Variants in SHTN1 observed in about 807,000 individuals in gnomAD.
SHTN1 encodes the protein shootin 1.
Under a neutral mutation model 83.1 loss-of-function variants are expected in SHTN1, and 42 were observed. The observed-to-expected ratio is 0.51, with a 90% CI of 0.39 to 0.65. The LOEUF (loss-of-function observed/expected upper bound fraction) is 0.65, where lower values mean the gene tolerates loss of function less well. SHTN1 is among the 30% of genes least tolerant of loss of function. The probability of loss-of-function intolerance (pLI) is 0.00; values close to 1 mark genes in which losing one functional copy is unlikely to be tolerated. For missense variants in SHTN1, 622 were observed against 737.8 expected (o/e 0.84, Z 1.82); for synonymous variants, 224 against 247.7 (o/e 0.90, Z 0.90).
At chr10:117,064,425 G>A (rs1852943124) in intron 1 of SHTN1, among the ~76,000 whole-genome samples, 1 of 152,194 alleles carries the variant, frequency 6.6e-6, no homozygotes, top group African/African-American at 2.4e-5. Flanking sequence ...GGAGGCCAAG[G>A]CAGGCGGATC....
At chr10:117,058,920 G>T (rs949019743) in intron 1 of SHTN1, among the ~76,000 whole-genome samples, 4 of 152,138 alleles carry the variant, frequency 2.6e-5, no homozygotes, top group African/African-American at 9.7e-5. Context: ...ACTCATATGA[G>T]ATACCTAGAT....
At chr10:116,989,609 C>T (rs1050109203) in intron 1 of SHTN1, among the ~76,000 whole-genome samples, 5 of 152,156 alleles carry the variant, frequency 3.3e-5, no homozygotes, top group Admixed American at 2.6e-4. Flanking sequence ...TCAGCAATGG[C>T]ACCAGAGGAA....
intron 9 of SHTN1, among the ~76,000 whole-genome samples, chr10:116,934,575 G>A (rs183498977): frequency 2.6e-5 from 4 of 152,238 alleles, no homozygotes; most frequent in Non-Finnish European, 4.4e-5. Flanking sequence ...CTGTAGCCTC[G>A]TAGCATAGTT....
chr10:117,101,677 T>G (rs1853596889), intron 1 of SHTN1, among the ~76,000 whole-genome samples: 1 of 152,110 alleles, frequency 6.6e-6, no homozygotes, highest in Non-Finnish European at 1.5e-5. Flanking sequence ...AAGACATATA[T>G]TTTCTCTCAC....
chr10:116,889,648 G>A lies in SHTN1; in HGVS notation c.1674-3082C>T, dbSNP rs182906298. Among the ~76,000 whole-genome samples the A allele has an allele frequency of 2.0e-3, 300 of 152,328 alleles. 2 individuals carry two copies. The highest frequency in any genetic ancestry group is 2.9e-3 in the Non-Finnish European group (199 of 68,018). ...CATCAGTGGCAGAGTCAGAACAAGAGTCAGAAGCTCCTGTCTCCCTGTTTC... is the reference window on the plus strand; with the variant it reads ...CATCAGTGGCAGAGTCAGAACAAGAATCAGAAGCTCCTGTCTCCCTGTTTC... On this transcript the variant is annotated intron_variant, in intron 16 of 16. Coordinates refer to ENST00000355371, the MANE Select transcript of SHTN1 (RefSeq NM_001127211.3).
At chr10:116,973,990 G>A (rs955983581) in intron 2 of SHTN1, 1 of 1,162,614 alleles carries the variant, frequency 8.6e-7, no homozygotes, top group African/African-American at 1.6e-5. Context: ...TATCCCTAAA[G>A]AATACAACAC....
At chr10:116,891,061 G>A (rs1847329435) in intron 16 of SHTN1, among the ~76,000 whole-genome samples, 3 of 152,092 alleles carry the variant, frequency 2.0e-5, no homozygotes, top group Admixed American at 2.0e-4. Flanking sequence ...GAGCTCAATT[G>A]AATACAATCA....
intron 11 of SHTN1, among the ~76,000 whole-genome samples, chr10:116,924,595 C>A (rs1848674817): frequency 6.6e-6 from 1 of 152,102 alleles, no homozygotes; most frequent in African/African-American, 2.4e-5. Flanking sequence ...GCAGGACTCA[C>A]AGGCCAGAGG....
chr10:117,009,245 A>C (rs1852066214), upstream of SHTN1, among the ~76,000 whole-genome samples: 1 of 152,220 alleles, frequency 6.6e-6, no homozygotes, highest in East Asian at 1.9e-4. Flanking sequence ...ATAATGAAGC[A>C]AATGAAGAGC....
At chr10:117,054,524 G>A (rs2133591090) in intron 1 of SHTN1, among the ~76,000 whole-genome samples, 1 of 151,108 alleles carries the variant, frequency 6.6e-6, no homozygotes, top group Admixed American at 6.6e-5. Flanking sequence ...TCCTGCCTCA[G>A]CCTCCCGAGT....
intron 1 of SHTN1, among the ~76,000 whole-genome samples, chr10:116,998,686 T>C (rs1851720641): frequency 6.6e-6 from 1 of 152,138 alleles, no homozygotes; most frequent in Non-Finnish European, 1.5e-5. Flanking sequence ...TGTCAGCTTA[T>C]CAGTTGGTGC....
At chr10:117,091,319 A>C (rs1853427505) in intron 1 of SHTN1, among the ~76,000 whole-genome samples, 1 of 152,198 alleles carries the variant, frequency 6.6e-6, no homozygotes, top group South Asian at 2.1e-4. Flanking sequence ...ATTACTATCC[A>C]AATTTTAAAT....
intron 9 of SHTN1, among the ~76,000 whole-genome samples, chr10:116,938,984 T>C (rs1394127306): frequency 6.6e-6 from 1 of 152,194 alleles, no homozygotes; most frequent in Non-Finnish European, 1.5e-5. Context: ...AACTGCCTAC[T>C]CAAGCCTCAG....
intron 2 of SHTN1, among the ~76,000 whole-genome samples, chr10:117,041,404 G>A (rs1237462479): frequency 1.3e-5 from 2 of 152,096 alleles, no homozygotes. Context: ...AACTAGATGA[G>A]TAAATAAGTG....
intron 15 of SHTN1, among the ~76,000 whole-genome samples, chr10:116,905,208 CAAAAA>C (rs772309175): frequency 1.6e-5 from 1 of 63,438 alleles, no homozygotes; most frequent in East Asian, 4.2e-4. Context: ...GACTCCGTCT[CAAAAA>C]AAAAAAAAAA....
At chr10:117,024,681 A>T (rs923534649) in intron 2 of SHTN1, among the ~76,000 whole-genome samples, 3 of 151,986 alleles carry the variant, frequency 2.0e-5, no homozygotes, top group African/African-American at 7.2e-5. Context: ...TACCTTAAAG[A>T]AAAAAAAGGA....
Position 116,927,896 on chromosome 10 carries a change from A to G in SHTN1, c.1013-5T>C. 6.2e-7 allele frequency: 1 copy of G among 1,612,718 alleles called. No individual in the cohort carries two copies. On this transcript the variant is annotated splice_region_variant and splice_polypyrimidine_tract_variant and intron_variant, in intron 10 of 16. Coordinates refer to ENST00000355371, the MANE Select transcript of SHTN1 (RefSeq NM_001127211.3). The stretch of plus-strand genomic sequence containing the variant: ...CTCGTTTCTGGAGTTCATCAACTGC[A>G]CAGAGAGCAAACATTCAGAAGAGAG...
rs763639612 is a variant in SHTN1 at position 116,884,316 on chromosome 10, T to C, written c.*2028A>G. On this transcript the variant is annotated 3_prime_UTR_variant, in exon 17 of 17. Coordinates refer to ENST00000355371, the MANE Select transcript of SHTN1 (RefSeq NM_001127211.3). ...AAAACCAAAGTGAAAAGGGAAAAACTGTAGGCAGAAAAAGGTGAGTGAATA... is the reference window on the plus strand; with the variant it reads ...AAAACCAAAGTGAAAAGGGAAAAACCGTAGGCAGAAAAAGGTGAGTGAATA... 8.6e-5 allele frequency: 39 copies of C among 451,262 alleles called. No homozygotes were observed. The highest frequency in any genetic ancestry group is 3.3e-4 in the Middle Eastern group (1 of 3,062). 28.0% of individuals were successfully genotyped at this position (451,262 alleles called of 1,614,324 possible). A position where few individuals can be genotyped will look rare whatever the true frequency, so the allele number is the denominator to read the frequency against.
At chr10:116,930,121 A>G in intron 9 of SHTN1, 119 bp from the exon 10 acceptor site, 1 of 576,758 alleles carries the variant, frequency 1.7e-6, no homozygotes, top group East Asian at 3.1e-5. Context: ...ACAGATTCCA[A>G]TCCATCTTAA....
Sources: gnomAD v4.1 joint callset for allele counts (sites outside exome capture counted in the v4.1 genomes callset) on GRCh38, gnomAD v4.1.1 for gene constraint, MANE v1.5 for transcripts, NCBI Gene and HGNC (gene_info 2026-07-23, HGNC 2026-07-21) for gene names.